THADA: variants seen among roughly 807,000 people sequenced by gnomAD.
THADA encodes the protein tRNA (32-2'-O)-methyltransferase regulator THADA.
Under a neutral mutation model 219.8 loss-of-function variants are expected in THADA, and 213 were observed. The observed-to-expected ratio is 0.97, with a 90% CI of 0.87 to 1.09. THADA has a LOEUF of 1.09. Ranked by LOEUF, THADA falls within the 50% of genes least tolerant of loss-of-function variation. The pLI, the probability that THADA is intolerant of heterozygous loss-of-function variation, is 0.00. For synonymous variants in THADA, 1,018 were observed against 828.9 expected, an observed-to-expected ratio of 1.23 and a Z score of -3.92; for missense variants, 2,956 against 2,311.3, an observed-to-expected ratio of 1.28 and a Z score of -5.72.
intron 25 of THADA, among the ~76,000 whole-genome samples, chr2:43,493,030 C>T (rs780929484): frequency 6.6e-6 from 1 of 152,164 alleles, no homozygotes; most frequent in Non-Finnish European, 1.5e-5. Flanking sequence ...CTTGTGGCAA[C>T]CTCATAATTA....
intron 22 of THADA, among the ~76,000 whole-genome samples, chr2:43,524,735 C>G (rs1388796788): frequency 2.0e-5 from 3 of 152,192 alleles, no homozygotes; most frequent in Non-Finnish European, 4.4e-5. Context: ...TTGAAAGCAA[C>G]AGCTGAGAAC....
At chr2:43,434,676 C>T (rs1298113051) in intron 26 of THADA, among the ~76,000 whole-genome samples, 5 of 152,164 alleles carry the variant, frequency 3.3e-5, no homozygotes, top group South Asian at 2.1e-4. Context: ...CCAAATCCAG[C>T]GGAAAACCAT....
intron 4 of THADA, among the ~76,000 whole-genome samples, chr2:43,588,492 T>C (rs998790912): frequency 3.3e-5 from 5 of 152,138 alleles, no homozygotes; most frequent in African/African-American, 1.2e-4. Context: ...AGGAATGTAT[T>C]TGGCATATGA....
At chr2:43,321,631 A>G (rs968497677) in intron 30 of THADA, among the ~76,000 whole-genome samples, 1 of 152,186 alleles carries the variant, frequency 6.6e-6, no homozygotes. Flanking sequence ...GCCTTCCACC[A>G]TGGGATGACC....
At chr2:43,513,979 G>T (rs1179732800) in intron 22 of THADA, among the ~76,000 whole-genome samples, 1 of 151,400 alleles carries the variant, frequency 6.6e-6, no homozygotes, top group Non-Finnish European at 1.5e-5. Flanking sequence ...AAGATCACTT[G>T]AGCCCAGGAA....
chr2:43,544,957 T>A (rs1695827514), intron 20 of THADA, among the ~76,000 whole-genome samples: 1 of 151,502 alleles, frequency 6.6e-6, no homozygotes, highest in Non-Finnish European at 1.5e-5. Flanking sequence ...TTGTGCCAGT[T>A]TTCAAAGGGA....
chr2:43,501,889 A>G (rs1489141618), intron 24 of THADA, among the ~76,000 whole-genome samples: 1 of 152,070 alleles, frequency 6.6e-6, no homozygotes, highest in Non-Finnish European at 1.5e-5. Flanking sequence ...GGTTGCAGTG[A>G]GCCGAGATCA....
intron 36 of THADA, among the ~76,000 whole-genome samples, chr2:43,278,943 C>G (rs940414487): frequency 1.3e-5 from 2 of 152,182 alleles, no homozygotes; most frequent in African/African-American, 4.8e-5. Context: ...TCTTGCTTCT[C>G]ATTGGGACCG....
At chr2:43,453,697 T>C (rs1222675637) in intron 26 of THADA, among the ~76,000 whole-genome samples, 2 of 152,176 alleles carry the variant, frequency 1.3e-5, no homozygotes, top group Non-Finnish European at 2.9e-5. Context: ...TGGAAAGGAA[T>C]TTGCTTGGCC....
At chr2:43,449,257 C>T (rs1455623747) in intron 26 of THADA, among the ~76,000 whole-genome samples, 2 of 151,668 alleles carry the variant, frequency 1.3e-5, no homozygotes, top group African/African-American at 2.4e-5. Flanking sequence ...GAAGATAAGA[C>T]AAGGGAAATT....
rs1045410040 is a variant in THADA, at chr2:43,305,886, C to T, written c.4439-12673G>A. On this transcript the variant is annotated intron_variant, in intron 31 of 37. Coordinates refer to ENST00000405975, the MANE Select transcript of THADA (RefSeq NM_022065.5). ...TCTAAGCATACACTACTTCTGGTTTCCTTTCCCCTTTTCTTTCTCCTTTCC... is the reference window on the plus strand; with the variant it reads ...TCTAAGCATACACTACTTCTGGTTTTCTTTCCCCTTTTCTTTCTCCTTTCC... Among the ~76,000 whole-genome samples the T allele has an allele frequency of 3.3e-5, 5 of 152,072 alleles. 1 individual carries two copies. The highest frequency in any genetic ancestry group is 1.2e-4 in the African/African-American group (5 of 41,406).
At chr2:43,522,337 C>T (rs1375102167) in intron 22 of THADA, among the ~76,000 whole-genome samples, 1 of 152,120 alleles carries the variant, frequency 6.6e-6, no homozygotes, top group Non-Finnish European at 1.5e-5. Context: ...TTACTGCAGG[C>T]TAAAACATTA....
At chr2:43,508,908 A>T in intron 22 of THADA, 128 bp from the exon 23 acceptor site, 1 of 864,820 alleles carries the variant, frequency 1.2e-6, no homozygotes, top group Non-Finnish European at 1.7e-6. Context: ...AAACTAAAAC[A>T]TGTCTCATAC....
intron 21 of THADA, among the ~76,000 whole-genome samples, chr2:43,530,058 T>C (rs1693668519): frequency 6.6e-6 from 1 of 152,118 alleles, no homozygotes; most frequent in Non-Finnish European, 1.5e-5. Flanking sequence ...AAAGTACATC[T>C]GATTATAAAG....
At chr2:43,341,201 T>G (rs1667026687) in intron 30 of THADA, among the ~76,000 whole-genome samples, 1 of 152,108 alleles carries the variant, frequency 6.6e-6, no homozygotes, top group Admixed American at 6.5e-5. Context: ...AGCGGAAAGT[T>G]CACACTTGGA....
intron 26 of THADA, among the ~76,000 whole-genome samples, chr2:43,484,956 A>C (rs891913094): frequency 2.0e-5 from 3 of 151,748 alleles, no homozygotes; most frequent in African/African-American, 4.8e-5. Context: ...AAAAAAAACA[A>C]AAAAAACACT....
chr2:43,316,586 C>T (rs1053355299), intron 31 of THADA, among the ~76,000 whole-genome samples: 1 of 152,144 alleles, frequency 6.6e-6, no homozygotes, highest in African/African-American at 2.4e-5. Context: ...GAACACAATG[C>T]TGCACGGCTG....
At chr2:43,566,512 G>A (rs1271095065) in intron 15 of THADA, 186 bp downstream of exon 15, 1 of 745,024 alleles carries the variant, frequency 1.3e-6, no homozygotes, top group Admixed American at 2.0e-5. Context: ...AATGAAAAGG[G>A]AGATAGTTTC....
At chr2:43,315,158 C>A (rs1443814766) in intron 31 of THADA, among the ~76,000 whole-genome samples, 1 of 152,194 alleles carries the variant, frequency 6.6e-6, no homozygotes, top group African/African-American at 2.4e-5. Context: ...GTTATTACTT[C>A]ATTTCCTTTG....
Sources: allele counts gnomAD v4.1 joint callset (sites outside exome capture counted in the v4.1 genomes callset), GRCh38; gene constraint gnomAD v4.1.1; transcripts MANE v1.5; gene names NCBI Gene and HGNC (gene_info 2026-07-23, HGNC 2026-07-21).